The following FERMT3 variants were observed in gnomAD, a reference collection of about 807,000 sequenced individuals.
The protein encoded by FERMT3 is FERM domain containing kindlin 3, also known as fermitin family homolog 3.
In FERMT3, 33 loss-of-function variants were observed where a neutral mutation model predicts 80.8. The ratio of observed to expected loss-of-function variants is 0.41; its 90% CI spans 0.31 to 0.55. The LOEUF is 0.55. Ranked by LOEUF, FERMT3 falls within the 20% of genes least tolerant of loss-of-function variation. The pLI is 0.31. For missense variants in FERMT3, 754 were observed against 908.7 expected, an observed-to-expected ratio of 0.83 and a Z score of 2.19; for synonymous variants, 375 against 372.2, an observed-to-expected ratio of 1.01 and a Z score of -0.09.
intron 13 of FERMT3, among the ~76,000 whole-genome samples, chr11:64,222,164 G>A (rs896615490): frequency 4.6e-5 from 7 of 151,092 alleles, no homozygotes; most frequent in Non-Finnish European, 5.9e-5. Flanking sequence ...TCTTGAACTC[G>A]GGAGGTGGAG....
Position 64,210,432 on chromosome 11 carries a change from G to A in FERMT3, c.161-179G>A, listed in dbSNP as rs111545984. On this transcript the variant is annotated intron_variant, in intron 2 of 14. Coordinates refer to ENST00000345728, the MANE Select transcript of FERMT3 (RefSeq NM_031471.6). This position sits in a 1 kb window ranked among gnomAD's most constrained non-coding sequence, Gnocchi z 4.3. The stretch of plus-strand genomic sequence containing the variant: ...TAGAAGGCCAAATCAGGGGCTGCCT[G>A]CAGAGAGCCCTGCTGCTGTTACCAT... Among the ~76,000 whole-genome samples the A allele has an allele frequency of 2.6e-5, 4 of 152,334 alleles. No individual in the cohort carries two copies. The highest frequency in any genetic ancestry group is 7.2e-5 in the African/African-American group (3 of 41,584).
chr11:64,222,992 C>A, intron 13 of FERMT3, 56 bp from the exon 14 acceptor site: 1 of 1,607,270 alleles, frequency 6.2e-7, no homozygotes, highest in Non-Finnish European at 8.5e-7. Context: ...ATTGTCTGGG[C>A]GGGCTCTGGC....
chr11:64,207,158 C>T (rs545077031), intron 1 of FERMT3, among the ~76,000 whole-genome samples, 193 bp from the exon 2 acceptor site: 2 of 152,338 alleles, frequency 1.3e-5, no homozygotes, highest in South Asian at 4.1e-4. Context: ...TCTGAGGGCC[C>T]TCGCGGCTCA....
At chr11:64,214,220 G>A (rs554190817) in intron 6 of FERMT3, among the ~76,000 whole-genome samples, 1 of 141,990 alleles carries the variant, frequency 7.0e-6, no homozygotes, top group East Asian at 2.1e-4. Flanking sequence ...CCAGGCTGGA[G>A]TACAATGGCA....
intron 6 of FERMT3, among the ~76,000 whole-genome samples, chr11:64,218,000 CTTTT>C (rs34718711): frequency 8.4e-6 from 1 of 119,506 alleles, no homozygotes. Context: ...TTCCTTTTTC[CTTTT>C]TTTTTTTTTT....
Position 64,211,465 on chromosome 11 carries a change from CCT to C in FERMT3, c.683+23_683+24del, listed in dbSNP as rs1157314427. 2 of 1,567,046 alleles carry C rather than the reference CCT, an allele frequency of 1.3e-6. No homozygotes were observed. Among genetic ancestry groups the C allele is most frequent in the Non-Finnish European group, 1.7e-6 (2 of 1,161,090 alleles). On this transcript the variant is annotated intron_variant, in intron 5 of 14. Transcript: ENST00000345728. This position sits in a 1 kb window ranked among gnomAD's most constrained non-coding sequence, Gnocchi z 4.7. The stretch of plus-strand genomic sequence containing the variant: ...GCAGGTGCACCCAGGAGCCACGCCC[CCT>C]GTGTCAGGGCTCCCCCACCCAGGAT...
rs1946413643 is a variant in FERMT3, at chr11:64,210,589, G to C, written c.161-22G>C. 2 of 1,609,154 alleles carry C rather than the reference G, an allele frequency of 1.2e-6. No homozygotes were observed. The highest frequency in any genetic ancestry group is 2.7e-5 in the African/African-American group (2 of 74,832). On this transcript the variant is annotated intron_variant, in intron 2 of 14. Coordinates refer to ENST00000345728, the MANE Select transcript of FERMT3 (RefSeq NM_031471.6). The surrounding 1 kb of genome is among the most constrained non-coding windows in gnomAD (Gnocchi z 4.3). Reference sequence around the variant, plus strand: ...GCACCAGGGAGGAAGGTTGGACCCAGATGTGCCCCCGTGCCCCACAGATCG... The same window carrying C: ...GCACCAGGGAGGAAGGTTGGACCCACATGTGCCCCCGTGCCCCACAGATCG...
At chr11:64,215,724 C>A (rs1946535742) in intron 6 of FERMT3, among the ~76,000 whole-genome samples, 1 of 152,074 alleles carries the variant, frequency 6.6e-6, no homozygotes, top group Non-Finnish European at 1.5e-5. Context: ...CAGGCATGTG[C>A]CACAAGCCTG....
chr11:64,213,644 G>A (rs1005277587), intron 6 of FERMT3, among the ~76,000 whole-genome samples: 1 of 142,828 alleles, frequency 7.0e-6, no homozygotes, highest in African/African-American at 2.7e-5. Flanking sequence ...CACAACCTCC[G>A]CCTCCTGGGT....
At position 64,223,435 on chromosome 11, in the gene FERMT3, G is replaced by C. The variant is rs757435215; in HGVS notation, c.1935G>C (p.Gly645=). 1.2e-6 allele frequency: 2 copies of C among 1,613,148 alleles called. No homozygotes were observed. The highest frequency in any genetic ancestry group is 2.2e-5 in the South Asian group (2 of 91,092). ...IFLSTRERAR[G]EELDEDLFLQ... is the part of the protein sequence containing the mutation. ...TGTCGACGCGGGAGCGGGCCCGTGGGGAGGAGCTGGATGAAGACCTCTTCC... is the reference window on the plus strand; with the variant it reads ...TGTCGACGCGGGAGCGGGCCCGTGGCGAGGAGCTGGATGAAGACCTCTTCC... The change falls in exon 15 of 15, where the codon GGG becomes GGC. Residue 645 remains glycine, a synonymous_variant. Transcript: ENST00000345728.
chr11:64,214,168 C>CTTTTTTTTTTTTTTTTTTTTTTTTT, intron 6 of FERMT3, among the ~76,000 whole-genome samples: 1 of 113,442 alleles, frequency 8.8e-6, no homozygotes, highest in Non-Finnish European at 1.7e-5. Context: ...TCATAATTGC[C>CTTTTTTTTTTTTTTTTTTTTTTTTT]TTTTTTTTTT....
In FERMT3 at chr11:64,211,572, C is replaced by A. The variant is rs1224417709; in HGVS notation, c.684-73C>A. 1 of 1,536,292 alleles carries A rather than the reference C, an allele frequency of 6.5e-7. No individual in the cohort carries two copies. The highest frequency in any genetic ancestry group is 1.2e-5 in the South Asian group (1 of 85,726). On this transcript the variant is annotated intron_variant, in intron 5 of 14. Coordinates refer to ENST00000345728, the MANE Select transcript of FERMT3 (RefSeq NM_031471.6). This position sits in a 1 kb window ranked among gnomAD's most constrained non-coding sequence, Gnocchi z 4.7. ...CTTTTCTCTGTGTGTGCTTGTCCCCCCAGCCCAGCCCCCCTCCCCACCCCA... is the reference window on the plus strand; with the variant it reads ...CTTTTCTCTGTGTGTGCTTGTCCCCACAGCCCAGCCCCCCTCCCCACCCCA...
In FERMT3 at chr11:64,223,750, C is replaced by T; in HGVS notation, c.*258C>T. 2.5e-6 allele frequency: 2 copies of T among 796,348 alleles called. No homozygotes were observed. Among genetic ancestry groups the T allele is most frequent in the Non-Finnish European group, 2.0e-6 (1 of 502,876 alleles). 49.3% of individuals were successfully genotyped at this position (796,348 alleles called of 1,614,324 possible). A position where few individuals can be genotyped will look rare whatever the true frequency, so the allele number is the denominator to read the frequency against. On this transcript the variant is annotated 3_prime_UTR_variant, in exon 15 of 15. Coordinates refer to ENST00000345728, the MANE Select transcript of FERMT3 (RefSeq NM_031471.6). ...TTGTCTGAGTGGCTGAGGCTGATAC[C>T]CCTGACCTATCTGCAGTCCCCCAGC...
At chr11:64,207,554 C>G (rs375314540) in intron 2 of FERMT3, 30 bp downstream of exon 2, 1 of 1,581,280 alleles carries the variant, frequency 6.3e-7, no homozygotes, top group Admixed American at 1.7e-5. Context: ...TTGCTGAACT[C>G]GGCACCATGG....
intron 6 of FERMT3, among the ~76,000 whole-genome samples, chr11:64,215,063 G>C (rs1462640048): frequency 6.6e-6 from 1 of 151,832 alleles, no homozygotes; most frequent in Non-Finnish European, 1.5e-5. Flanking sequence ...ACCTGCCTTG[G>C]CCTCCCAAAG....
rs764278195 is a variant in FERMT3, at chr11:64,211,483, C to A, written c.683+40C>A. On this transcript the variant is annotated intron_variant, in intron 5 of 14. Coordinates refer to ENST00000345728, the MANE Select transcript of FERMT3 (RefSeq NM_031471.6). The surrounding 1 kb of genome is among the most constrained non-coding windows in gnomAD (Gnocchi z 4.7). ...CACGCCCCCTGTGTCAGGGCTCCCC[C>A]ACCCAGGATCCACCCCCTGTCCCGT... 2.5e-5 allele frequency: 39 copies of A among 1,545,948 alleles called. 3 individuals are homozygous for A. In the South Asian group the frequency reaches 4.2e-4, roughly 17 times the overall value.
intron 1 of FERMT3, 146 bp downstream of exon 1, chr11:64,206,960 G>T (rs1946323341): frequency 5.6e-6 from 1 of 179,724 alleles, no homozygotes; most frequent in South Asian, 1.0e-4. Context: ...TGGCATCTGA[G>T]CTGTGGGCCA....
At chr11:64,215,959 G>C (rs1946540668) in intron 6 of FERMT3, among the ~76,000 whole-genome samples, 2 of 151,776 alleles carry the variant, frequency 1.3e-5, no homozygotes, top group African/African-American at 2.4e-5. Flanking sequence ...AGCCTCCTGA[G>C]TAGCTGGGAT....
upstream of FERMT3, among the ~76,000 whole-genome samples, chr11:64,206,515 C>CA (rs1204410467): frequency 6.6e-6 from 1 of 152,214 alleles, no homozygotes; most frequent in Non-Finnish European, 1.5e-5. Flanking sequence ...AGCTTCCCTC[C>CA]AAATGAGGAA....
Sources: allele counts gnomAD v4.1 joint callset (sites outside exome capture counted in the v4.1 genomes callset), GRCh38; gene constraint gnomAD v4.1.1; non-coding constraint Gnocchi (gnomAD v3.1); transcripts MANE v1.5; gene names NCBI Gene and HGNC (gene_info 2026-07-23, HGNC 2026-07-21).